The following TAOK3 variants were observed in gnomAD, a reference collection of about 807,000 sequenced individuals.
TAOK3 encodes the protein serine/threonine-protein kinase TAO3.
TAOK3 carries 40 observed loss-of-function variants against 120.4 expected under a neutral mutation model. The ratio of observed to expected loss-of-function variants is 0.33; its 90% CI spans 0.26 to 0.43. The LOEUF is 0.43. Ranked by LOEUF, TAOK3 falls within the 20% of genes least tolerant of loss-of-function variation. TAOK3 has a pLI of 1.00. For missense variants in TAOK3, 821 were observed against 1,112.1 expected (o/e 0.74, Z 3.72); for synonymous variants, 355 against 387.5 (o/e 0.92, Z 0.99).
intron 13 of TAOK3, 172 bp from the exon 14 acceptor site, chr12:118,190,113 C>T: frequency 1.3e-6 from 1 of 755,436 alleles, no homozygotes. Flanking sequence ...CACATTGCAG[C>T]CTTCAGTTAG....
At chr12:118,266,566 T>G (rs1250274386) in intron 2 of TAOK3, 89 bp downstream of exon 2, 1 of 395,338 alleles carries the variant, frequency 2.5e-6, no homozygotes, top group African/African-American at 2.1e-5. Context: ...CCTTTTATTT[T>G]TCTTTCAAAG....
At chr12:118,207,058 G>A (rs1022850995) in intron 11 of TAOK3, among the ~76,000 whole-genome samples, 2 of 152,140 alleles carry the variant, frequency 1.3e-5, no homozygotes, top group African/African-American at 2.4e-5. Flanking sequence ...CAGGCACGGT[G>A]GGTCATGCCT....
intron 9 of TAOK3, among the ~76,000 whole-genome samples, chr12:118,218,904 G>A (rs926612309): frequency 1.1e-4 from 17 of 151,504 alleles, no homozygotes; most frequent in Admixed American, 9.2e-4. Context: ...AGTGAGCCGA[G>A]ATCACACCAC....
chr12:118,189,855 G>A lies in TAOK3; in HGVS notation c.1281C>T (p.Leu427=), dbSNP rs780613598. ...RPTQSVQSQA[L]HYRNRERFAT... is the part of the protein sequence containing the mutation. ...CAAAGCGCTCTCTGTTCCGGTAGTG[G>A]AGGGCCTGGCTCTGAACTGACTGGG... Residue 427 remains leucine (L), a synonymous_variant, in exon 14 of 21, where the codon CTC becomes CTT. Transcript: ENST00000392533. The A allele has an allele frequency of 6.2e-7, 1 of 1,614,204 alleles. No individual in the cohort carries two copies. The highest frequency in any genetic ancestry group is 8.5e-7 in the Non-Finnish European group (1 of 1,180,026).
At chr12:118,155,891 C>T (rs2034787213) in intron 19 of TAOK3, among the ~76,000 whole-genome samples, 1 of 152,152 alleles carries the variant, frequency 6.6e-6, no homozygotes. Context: ...CATGTGCCAC[C>T]ATGCCTGGCT....
intron 1 of TAOK3, among the ~76,000 whole-genome samples, chr12:118,320,725 T>G (rs2043668833): frequency 6.6e-6 from 1 of 152,154 alleles, no homozygotes; most frequent in African/African-American, 2.4e-5. Context: ...CTGTTTAAAC[T>G]AAAAGAGACT....
At chr12:118,204,584 T>C (rs1464451692) in intron 11 of TAOK3, among the ~76,000 whole-genome samples, 3 of 152,226 alleles carry the variant, frequency 2.0e-5, no homozygotes, top group African/African-American at 7.2e-5. Flanking sequence ...AAGTGTAGCC[T>C]GCACATTTCA....
intron 1 of TAOK3, among the ~76,000 whole-genome samples, chr12:118,349,357 C>A (rs2045032571): frequency 6.6e-6 from 1 of 152,002 alleles, no homozygotes; most frequent in Non-Finnish European, 1.5e-5. Flanking sequence ...TAGAAGCAGC[C>A]AAAATATCCA....
chr12:118,249,125 G>A (rs1371467316), intron 3 of TAOK3, among the ~76,000 whole-genome samples: 3 of 152,022 alleles, frequency 2.0e-5, no homozygotes, highest in Non-Finnish European at 4.4e-5. Flanking sequence ...ACTTCCAATA[G>A]TCTCAATGGT....
Position 118,360,764 on chromosome 12 carries a change from T to C in TAOK3, c.-194+11884A>G, listed in dbSNP as rs180808303. 3.8e-4 allele frequency among the ~76,000 whole-genome samples: 58 copies of C among 152,298 alleles called. 1 individual carries two copies. Among genetic ancestry groups the C allele is most frequent in the African/African-American group, 9.1e-4 (38 of 41,568 alleles). Reference sequence around the variant, plus strand: ...AGGAAACTTCCATAAAGGCAGAGATTAAGAAATTTGTATGGAAATTTGGAA... The same window carrying C: ...AGGAAACTTCCATAAAGGCAGAGATCAAGAAATTTGTATGGAAATTTGGAA... On this transcript the variant is annotated intron_variant, in intron 1 of 20. Transcript: ENST00000392533.
intron 19 of TAOK3, among the ~76,000 whole-genome samples, chr12:118,157,765 G>A (rs1333751491): frequency 4.6e-5 from 7 of 152,206 alleles, no homozygotes; most frequent in Middle Eastern, 3.2e-3. Context: ...GGTACATCAC[G>A]TAGGCACTCA....
At chr12:118,341,117 A>C (rs1489638698) in intron 1 of TAOK3, among the ~76,000 whole-genome samples, 1 of 151,556 alleles carries the variant, frequency 6.6e-6, no homozygotes. Context: ...GTTCGTCCTC[A>C]GCCTCCTGAG....
At chr12:118,362,445 T>C (rs546096336) in intron 1 of TAOK3, among the ~76,000 whole-genome samples, 208 of 151,984 alleles carry the variant, frequency 1.4e-3, no homozygotes, top group South Asian at 3.7e-3. Context: ...CTGCGGGCTA[T>C]GGGTTGGACA....
At chr12:118,166,121 C>A (rs79000151) in intron 17 of TAOK3, among the ~76,000 whole-genome samples, 2 of 152,184 alleles carry the variant, frequency 1.3e-5, no homozygotes, top group East Asian at 3.8e-4. Context: ...GGATTTCCCC[C>A]TTTTATATGT....
chr12:118,362,227 A>G (rs2045619376), intron 1 of TAOK3, among the ~76,000 whole-genome samples: 1 of 150,886 alleles, frequency 6.6e-6, no homozygotes, highest in Admixed American at 6.7e-5. Flanking sequence ...GGGGTGTCCA[A>G]TCTTTTGGCT....
chr12:118,337,465 A>G (rs1447077293), intron 1 of TAOK3, among the ~76,000 whole-genome samples: 1 of 152,246 alleles, frequency 6.6e-6, no homozygotes, highest in East Asian at 1.9e-4. Flanking sequence ...TTGTACGAGA[A>G]TGTTCACAGC....
intron 9 of TAOK3, among the ~76,000 whole-genome samples, chr12:118,222,772 G>A (rs2039299773): frequency 6.6e-6 from 1 of 152,200 alleles, no homozygotes; most frequent in Admixed American, 6.5e-5. Context: ...TGGAGACTCA[G>A]AAGAGGAAGG....
At chr12:118,336,735 A>C (rs1039213050) in intron 1 of TAOK3, among the ~76,000 whole-genome samples, 2 of 152,228 alleles carry the variant, frequency 1.3e-5, no homozygotes, top group African/African-American at 4.8e-5. Flanking sequence ...TCAAAAACTC[A>C]AAACCCAACA....
intron 1 of TAOK3, among the ~76,000 whole-genome samples, chr12:118,333,869 C>G (rs2044251417): frequency 6.6e-6 from 1 of 151,116 alleles, no homozygotes; most frequent in Admixed American, 6.6e-5. Context: ...GGTGTGGAGG[C>G]TCACGCCTGT....
Sources: gnomAD v4.1 joint callset for allele counts (sites outside exome capture counted in the v4.1 genomes callset) on GRCh38, gnomAD v4.1.1 for gene constraint, MANE v1.5 for transcripts, NCBI Gene and HGNC (gene_info 2026-07-23, HGNC 2026-07-21) for gene names.